Variants in KHDRBS2 observed in about 807,000 individuals in gnomAD.
KHDRBS2 encodes KH RNA binding domain containing, signal transduction associated 2.
Under a neutral mutation model 44.3 loss-of-function variants are expected in KHDRBS2, and 26 were observed. The observed-to-expected ratio is 0.59, with a 90% confidence interval of 0.43 to 0.81. The LOEUF (loss-of-function observed/expected upper bound fraction) is 0.81. KHDRBS2 is among the 40% of genes least tolerant of loss of function. The pLI, the probability that KHDRBS2 is intolerant of heterozygous loss-of-function variation, is 0.00. For synonymous variants in KHDRBS2, 194 were observed against 151.1 expected, an observed-to-expected ratio of 1.28 and a Z score of -2.08; for missense variants, 476 against 433.1, an observed-to-expected ratio of 1.10 and a Z score of -0.88.
chr6:61,782,703 A>G (rs1475562387), intron 6 of KHDRBS2, among the ~76,000 whole-genome samples: 1,280 of 64,416 alleles, frequency 0.02, 57 homozygotes, highest in African/African-American at 0.052. Context: ...ATATATATAT[A>G]TATATATATA....
chr6:62,017,849 G>T (rs1354672558), intron 3 of KHDRBS2, among the ~76,000 whole-genome samples: 1 of 151,994 alleles, frequency 6.6e-6, no homozygotes, highest in Non-Finnish European at 1.5e-5. Context: ...TTATTACTTT[G>T]ATTTGAATTA....
In KHDRBS2 at chr6:61,922,062, T is replaced by C. The variant is rs531245109; in HGVS notation, c.484-20691A>G. Among the ~76,000 whole-genome samples, 9 of 152,126 alleles carry C rather than the reference T, an allele frequency of 5.9e-5. No individual in the cohort carries two copies. In the South Asian group the frequency reaches 1.9e-3, roughly 32 times the overall value. On this transcript the variant is annotated intron_variant, in intron 4 of 8. Coordinates refer to ENST00000281156, the MANE Select transcript of KHDRBS2 (RefSeq NM_152688.4). Reference sequence around the variant, plus strand: ...AATATCATTTTATATGTATTAGCCATTTGGATTTTCTCCTTTTTGAATTGC... The same window carrying C: ...AATATCATTTTATATGTATTAGCCACTTGGATTTTCTCCTTTTTGAATTGC...
At chr6:61,548,129 G>T in the KHDRBS2 span, among the ~76,000 whole-genome samples, 2 of 152,004 alleles carry the variant, frequency 1.3e-5, no homozygotes, top group Non-Finnish European at 2.9e-5. Flanking sequence ...AAAGAGAATA[G>T]AAAATCTGTT....
the KHDRBS2 span, among the ~76,000 whole-genome samples, chr6:61,631,486 G>T: frequency 6.6e-6 from 1 of 152,150 alleles, no homozygotes; most frequent in African/African-American, 2.4e-5. Context: ...TATCAAATAT[G>T]TCTTTGTGAG....
At chr6:62,090,155 T>A (rs1373366830) in intron 2 of KHDRBS2, among the ~76,000 whole-genome samples, 6 of 152,138 alleles carry the variant, frequency 3.9e-5, no homozygotes, top group South Asian at 2.1e-4. Context: ...AACAAAAAAA[T>A]TATTTCAAAA....
chr6:62,240,003 T>A (rs1834340630), intron 1 of KHDRBS2, among the ~76,000 whole-genome samples: 1 of 152,078 alleles, frequency 6.6e-6, no homozygotes, highest in African/African-American at 2.4e-5. Context: ...TTTTTTTAAA[T>A]ACAAAATTTT....
At chr6:61,705,131 T>C (rs560654276) in intron 7 of KHDRBS2, among the ~76,000 whole-genome samples, 109 of 151,946 alleles carry the variant, frequency 7.2e-4, no homozygotes, top group Middle Eastern at 3.4e-3. Context: ...GCATAGATTA[T>C]TAAGAAGCAG....
intron 2 of KHDRBS2, among the ~76,000 whole-genome samples, chr6:62,145,021 G>C (rs1377444213): frequency 6.6e-6 from 1 of 151,904 alleles, no homozygotes; most frequent in Non-Finnish European, 1.5e-5. Context: ...ATTCTGCCAT[G>C]AGCAGAAGTA....
At chr6:62,267,774 T>C (rs79901327) in intron 1 of KHDRBS2, among the ~76,000 whole-genome samples, 8,425 of 152,084 alleles carry the variant, frequency 0.055, 322 homozygotes, top group Non-Finnish European at 0.072. Flanking sequence ...GATAAAAGTA[T>C]AAAAAGATGC....
chr6:62,070,273 TTGTC>T (rs1187809681), intron 2 of KHDRBS2, among the ~76,000 whole-genome samples: 2 of 151,780 alleles, frequency 1.3e-5, no homozygotes, highest in Admixed American at 6.6e-5. Flanking sequence ...TTTTCTGTCT[TTGTC>T]TGGTTTTGGC....
intron 1 of KHDRBS2, among the ~76,000 whole-genome samples, chr6:62,212,839 G>C (rs1479317780): frequency 1.3e-5 from 2 of 151,964 alleles, no homozygotes. Flanking sequence ...ACAGTTTTTG[G>C]TAGTTAGTTA....
chr6:62,155,019 CAGAA>C (rs1313285168), intron 2 of KHDRBS2, among the ~76,000 whole-genome samples: 1 of 151,988 alleles, frequency 6.6e-6, no homozygotes, highest in Non-Finnish European at 1.5e-5. Flanking sequence ...AAAAATAAAT[CAGAA>C]AGAGAAAGAC....
intron 1 of KHDRBS2, among the ~76,000 whole-genome samples, chr6:62,196,016 T>C (rs1825621402): frequency 6.6e-6 from 1 of 152,190 alleles, no homozygotes; most frequent in South Asian, 2.1e-4. Flanking sequence ...TTATGGATTC[T>C]AGAAAGTGAT....
At chr6:62,227,860 C>T (rs2150156918) in intron 1 of KHDRBS2, among the ~76,000 whole-genome samples, 1 of 152,244 alleles carries the variant, frequency 6.6e-6, no homozygotes, top group Middle Eastern at 3.4e-3. Flanking sequence ...AGCGTTGACC[C>T]TAGGGATGAA....
At chr6:61,686,620 G>A (rs1317398579) in intron 8 of KHDRBS2, among the ~76,000 whole-genome samples, 1 of 151,524 alleles carries the variant, frequency 6.6e-6, no homozygotes, top group Non-Finnish European at 1.5e-5. Flanking sequence ...TAGGTGTTTT[G>A]TGTATATTAT....
intron 3 of KHDRBS2, among the ~76,000 whole-genome samples, chr6:62,027,075 G>T (rs1783492668): frequency 6.6e-6 from 1 of 150,614 alleles, no homozygotes; most frequent in South Asian, 2.1e-4. Flanking sequence ...CTTTATTTTA[G>T]ATTCATCTCT....
chr6:61,963,331 A>T (rs1199935408), intron 4 of KHDRBS2, among the ~76,000 whole-genome samples: 1 of 152,108 alleles, frequency 6.6e-6, no homozygotes, highest in African/African-American at 2.4e-5. Context: ...AATGAGGGAA[A>T]TGCTACTGTT....
intron 1 of KHDRBS2, among the ~76,000 whole-genome samples, chr6:62,248,283 G>T (rs1342397689): frequency 6.6e-6 from 1 of 150,376 alleles, no homozygotes; most frequent in Non-Finnish European, 1.5e-5. Flanking sequence ...GACAGCTTGT[G>T]GTATTTTAAA....
At chr6:61,713,779 T>C (rs1038559946) in intron 7 of KHDRBS2, among the ~76,000 whole-genome samples, 1 of 151,350 alleles carries the variant, frequency 6.6e-6, no homozygotes, top group African/African-American at 2.4e-5. Context: ...CTGACAACAA[T>C]ATAGACTGGG....
Sources: allele counts gnomAD v4.1 joint callset (sites outside exome capture counted in the v4.1 genomes callset), GRCh38; gene constraint gnomAD v4.1.1; transcripts MANE v1.5; gene names NCBI Gene and HGNC (gene_info 2026-07-23, HGNC 2026-07-21).